CCDC32: variants seen among roughly 807,000 people sequenced by gnomAD.
The protein encoded by CCDC32 is coiled-coil domain containing 32.
A neutral mutation model predicts 20.1 loss-of-function variants in CCDC32; 9 were observed. That is an observed-to-expected ratio of 0.45 (90% CI 0.27 to 0.78). The LOEUF is 0.78. CCDC32 is among the 30% of genes least tolerant of loss of function. The pLI is 0.16. For missense variants in CCDC32, 204 were observed against 215.5 expected (o/e 0.95, Z 0.33); for synonymous variants, 63 against 79.0 (o/e 0.80, Z 1.07).
At chr15:40,525,711 C>A (rs898368135), downstream of CCDC32, among the ~76,000 whole-genome samples, 1 of 152,156 alleles carries the variant, frequency 6.6e-6, no homozygotes, top group Admixed American at 6.5e-5. Flanking sequence ...TGCCTGACAC[C>A]CCTTGTTTCT....
At chr15:40,542,397 A>T (rs749705719) in intron 3 of CCDC32, among the ~76,000 whole-genome samples, 1 of 152,192 alleles carries the variant, frequency 6.6e-6, no homozygotes, top group Non-Finnish European at 1.5e-5. Flanking sequence ...CCTGTCTTCA[A>T]ATAACTCGAT....
At chr15:40,558,806 C>CTT (rs11403392) in intron 2 of CCDC32, among the ~76,000 whole-genome samples, 77 of 148,720 alleles carry the variant, frequency 5.2e-4, no homozygotes, top group East Asian at 1.6e-3. Context: ...TTCTTTCTTT[C>CTT]TTTTTTTTTT....
At chr15:40,529,747 C>T (rs1166234391) in intron 3 of CCDC32, 2 of 150,404 alleles carry the variant, frequency 1.3e-5, no homozygotes, top group East Asian at 2.0e-4. Context: ...CTGCAAACTC[C>T]GCCTCCCGGG....
chr15:40,547,331 C>A (rs1889663689), intron 3 of CCDC32, among the ~76,000 whole-genome samples: 1 of 152,086 alleles, frequency 6.6e-6, no homozygotes, highest in South Asian at 2.1e-4. Context: ...CAGGCTCAGG[C>A]AGGGCAGGGC....
At chr15:40,552,891 G>A (rs1264003049), downstream of CCDC32, 2 of 151,646 alleles carry the variant, frequency 1.3e-5, no homozygotes, top group Admixed American at 6.6e-5. Context: ...TGATCTTTAG[G>A]GATTTGTAAA....
intron 2 of CCDC32, among the ~76,000 whole-genome samples, chr15:40,562,467 C>T (rs1278606098): frequency 1.3e-5 from 2 of 152,114 alleles, no homozygotes; most frequent in African/African-American, 4.8e-5. Flanking sequence ...GTAATCCCAG[C>T]TACTCGGTAG....
At chr15:40,526,642 G>A (rs1894903477), downstream of CCDC32, among the ~76,000 whole-genome samples, 2 of 152,216 alleles carry the variant, frequency 1.3e-5, no homozygotes, top group South Asian at 4.1e-4. Flanking sequence ...GCTGGGCGCA[G>A]TGGCTCACAC....
At chr15:40,522,952 G>T in the CCDC32 span, among the ~76,000 whole-genome samples, 2 of 149,472 alleles carry the variant, frequency 1.3e-5, no homozygotes, top group Non-Finnish European at 3.0e-5. Flanking sequence ...TCAACCTCCC[G>T]AGTAGTGGGG....
rs185178611 is a variant in CCDC32 at position 40,544,289 on chromosome 15, C to T, written c.402-4934G>A. Among the ~76,000 whole-genome samples the T allele has an allele frequency of 2.6e-5, 4 of 152,312 alleles. No individual in the cohort carries two copies. The East Asian group carries it at 7.7e-4, about 29-fold the overall frequency. ...GGTGCGGTAGGGCAATCATAGCTCA[C>T]TGCAGCCTCAACCTCCTGGGCTCAA... On this transcript the variant is annotated intron_variant, in intron 3 of 3. Coordinates refer to the CCDC32 transcript ENST00000558113.
chr15:40,539,938 G>A (rs1433499068), intron 3 of CCDC32, among the ~76,000 whole-genome samples: 1 of 150,524 alleles, frequency 6.6e-6, no homozygotes, highest in Non-Finnish European at 1.5e-5. Flanking sequence ...TACCTACTCA[G>A]CCTCACTTCG....
downstream of CCDC32, chr15:40,535,991 C>G (rs1004378559): frequency 2.6e-5 from 4 of 152,248 alleles, no homozygotes; most frequent in Non-Finnish European, 5.9e-5. Flanking sequence ...TCAGAGCTGC[C>G]CATGAGGAAG....
chr15:40,522,221 T>C, the CCDC32 span, among the ~76,000 whole-genome samples: 10 of 152,336 alleles, frequency 6.6e-5, no homozygotes, highest in East Asian at 1.9e-4. Flanking sequence ...ACTATTTTTT[T>C]CTCCATTCAA....
At chr15:40,563,798 A>C (rs1375514968) in intron 1 of CCDC32, among the ~76,000 whole-genome samples, 1 of 150,444 alleles carries the variant, frequency 6.6e-6, no homozygotes, top group Non-Finnish European at 1.5e-5. Flanking sequence ...CAGTCAATTA[A>C]ATTCTGTTTT....
chr15:40,553,230 C>G lies in CCDC32; in HGVS notation c.*741G>C, dbSNP rs1432883813. ...GGAACTATCCAGGAGTAGTGTCAAACACTAACACCATATTTACAAGTCTAA... is the reference window on the plus strand; with the variant it reads ...GGAACTATCCAGGAGTAGTGTCAAAGACTAACACCATATTTACAAGTCTAA... On this transcript the variant is annotated 3_prime_UTR_variant, in exon 4 of 4. Transcript: ENST00000416810. 1.0e-6 allele frequency: 1 copy of G among 985,310 alleles called. No individual in the cohort carries two copies. The highest frequency in any genetic ancestry group is 1.2e-6 in the Non-Finnish European group (1 of 829,940). 61.0% of individuals were successfully genotyped at this position (985,310 alleles called of 1,614,324 possible).
downstream of CCDC32, among the ~76,000 whole-genome samples, chr15:40,525,954 T>C (rs188243461): frequency 3.1e-3 from 469 of 152,234 alleles, 1 homozygote; most frequent in Middle Eastern, 6.8e-3. Context: ...TTTTTTTTTT[T>C]TCTCTCCATG....
chr15:40,533,677 G>A (rs1057064453), downstream of CCDC32, among the ~76,000 whole-genome samples: 8 of 152,066 alleles, frequency 5.3e-5, no homozygotes, highest in South Asian at 2.1e-4. Context: ...TTTTCAGCAC[G>A]TTTTTTAAAA....
intron 3 of CCDC32, chr15:40,528,865 G>C: frequency 1.5e-6 from 1 of 668,070 alleles, no homozygotes; most frequent in South Asian, 1.6e-5. Flanking sequence ...TGGTGGCTCT[G>C]AGCCTGGGAT....
At chr15:40,531,825 A>T (rs1265730058), downstream of CCDC32, 1 of 150,762 alleles carries the variant, frequency 6.6e-6, no homozygotes, top group African/African-American at 2.5e-5. Flanking sequence ...CTGCTCTCAA[A>T]CTCCTGACTC....
chr15:40,539,376 G>C, intron 3 of CCDC32: 1 of 1,524,132 alleles, frequency 6.6e-7, no homozygotes, highest in Non-Finnish European at 8.8e-7. Flanking sequence ...AAGACAGACC[G>C]ACAGAGACGA....
Sources: gnomAD v4.1 joint callset for allele counts (sites outside exome capture counted in the v4.1 genomes callset) on GRCh38, gnomAD v4.1.1 for gene constraint, MANE v1.5 for transcripts, NCBI Gene and HGNC (gene_info 2026-07-23, HGNC 2026-07-21) for gene names.